Variants in CTNNA3 observed in about 807,000 individuals in gnomAD.
CTNNA3 encodes catenin alpha-3.
Under a neutral mutation model 95.7 loss-of-function variants are expected in CTNNA3, and 76 were observed. The ratio of observed to expected loss-of-function variants is 0.79; its 90% confidence interval spans 0.66 to 0.96. The LOEUF is 0.96. Ranked by LOEUF, CTNNA3 falls within the 40% of genes least tolerant of loss-of-function variation. The pLI is 0.00. For missense variants in CTNNA3, 1,191 were observed against 1,089.8 expected, an observed-to-expected ratio of 1.09 and a Z score of -1.31; for synonymous variants, 431 against 374.4, an observed-to-expected ratio of 1.15 and a Z score of -1.74.
chr10:66,266,523 T>C (rs1286440758), intron 13 of CTNNA3, among the ~76,000 whole-genome samples: 1 of 152,046 alleles, frequency 6.6e-6, no homozygotes, highest in East Asian at 1.9e-4. Context: ...GATTAGCAAT[T>C]ACTTCTGTCA....
chr10:66,769,303 G>A (rs1355257933), intron 8 of CTNNA3, among the ~76,000 whole-genome samples: 1 of 152,188 alleles, frequency 6.6e-6, no homozygotes, highest in African/African-American at 2.4e-5. Flanking sequence ...AAACCTTTAG[G>A]AGCTAGCACA....
intron 11 of CTNNA3, among the ~76,000 whole-genome samples, chr10:66,466,321 CAT>C (rs2131861197): frequency 7.0e-6 from 1 of 143,132 alleles, no homozygotes; most frequent in Non-Finnish European, 1.5e-5. Context: ...CACACACACA[CAT>C]ACACGCACCC....
chr10:66,923,158 A>C (rs562083635), intron 7 of CTNNA3, among the ~76,000 whole-genome samples: 1 of 152,364 alleles, frequency 6.6e-6, no homozygotes, highest in Non-Finnish European at 1.5e-5. Flanking sequence ...GCAGTAAGAT[A>C]AGATCAGGAA....
At chr10:67,144,882 T>G (rs561960076) in intron 7 of CTNNA3, among the ~76,000 whole-genome samples, 1 of 152,244 alleles carries the variant, frequency 6.6e-6, no homozygotes, top group Non-Finnish European at 1.5e-5. Context: ...ATAAGAGGCC[T>G]AGTTTTTGGC....
At chr10:66,692,927 C>G (rs1847607959) in intron 9 of CTNNA3, among the ~76,000 whole-genome samples, 2 of 152,076 alleles carry the variant, frequency 1.3e-5, no homozygotes, top group Admixed American at 6.5e-5. Context: ...GATTTTGTCA[C>G]CACCAGGCCT....
At chr10:66,330,202 A>G (rs2092307365) in intron 12 of CTNNA3, among the ~76,000 whole-genome samples, 1 of 151,800 alleles carries the variant, frequency 6.6e-6, no homozygotes, top group South Asian at 2.1e-4. Context: ...ATATCTCCTA[A>G]TGCTATCCCT....
chr10:66,830,865 T>G (rs1433540537), intron 7 of CTNNA3, among the ~76,000 whole-genome samples: 1 of 152,128 alleles, frequency 6.6e-6, no homozygotes, highest in African/African-American at 2.4e-5. Flanking sequence ...TGCCTCGGCC[T>G]CCCAAAGTGC....
chr10:66,403,667 A>G (rs1018888798), intron 11 of CTNNA3, among the ~76,000 whole-genome samples: 1 of 152,156 alleles, frequency 6.6e-6, no homozygotes, highest in Non-Finnish European at 1.5e-5. Context: ...TTTACTGCAC[A>G]GGGTGAGCAG....
chr10:66,575,414 A>T (rs1361619931), intron 10 of CTNNA3, among the ~76,000 whole-genome samples: 1 of 152,134 alleles, frequency 6.6e-6, no homozygotes, highest in Non-Finnish European at 1.5e-5. Flanking sequence ...TTTAAATTAT[A>T]AGAGGAAAAA....
At chr10:67,155,754 G>T (rs4237312) in intron 7 of CTNNA3, among the ~76,000 whole-genome samples, 96,229 of 151,966 alleles carry the variant, frequency 0.63, 31,648 homozygotes, top group African/African-American at 0.82. Context: ...TGCATTGGTG[G>T]TATAATGGTT....
chr10:66,888,709 A>G (rs1056184501), intron 7 of CTNNA3, among the ~76,000 whole-genome samples: 10 of 152,200 alleles, frequency 6.6e-5, no homozygotes, highest in Admixed American at 1.3e-4. Flanking sequence ...AATCCAAAAC[A>G]CTATAACACC....
At chr10:66,030,557 T>A (rs1464273229) in intron 15 of CTNNA3, among the ~76,000 whole-genome samples, 1 of 152,086 alleles carries the variant, frequency 6.6e-6, no homozygotes, top group Non-Finnish European at 1.5e-5. Flanking sequence ...AAAAATTAAC[T>A]CAAGATGGAT....
At chr10:66,036,305 A>G (rs548942876) in intron 15 of CTNNA3, among the ~76,000 whole-genome samples, 1 of 152,310 alleles carries the variant, frequency 6.6e-6, no homozygotes, top group East Asian at 1.9e-4. Context: ...TTGACATTCA[A>G]CCTCAGTAAG....
chr10:67,716,827 G>A (rs1841146375), intron 1 of CTNNA3, among the ~76,000 whole-genome samples: 1 of 152,092 alleles, frequency 6.6e-6, no homozygotes. Context: ...AATCCTTTAG[G>A]TATATACCCA....
At chr10:67,567,490 G>A (rs1446800452) in intron 3 of CTNNA3, among the ~76,000 whole-genome samples, 1 of 152,068 alleles carries the variant, frequency 6.6e-6, no homozygotes, top group Non-Finnish European at 1.5e-5. Flanking sequence ...TGCGTACAAT[G>A]TACGTTACTT....
chr10:66,510,337 A>G (rs1413556654), intron 11 of CTNNA3, among the ~76,000 whole-genome samples: 2 of 143,534 alleles, frequency 1.4e-5, no homozygotes, highest in East Asian at 3.9e-4. Context: ...GTTGTTTGCA[A>G]AGAGGGACAA....
chr10:67,107,411 C>T lies in CTNNA3; in HGVS notation c.1047+72906G>A, dbSNP rs74233479. The stretch of plus-strand genomic sequence containing the variant: ...TGTCAGTTTCAATAAAATGTTCATA[C>T]AACATTTTGAAGACTGATCCAGGCA... On this transcript the variant is annotated intron_variant, in intron 7 of 17. Transcript: ENST00000433211. 7.0e-4 allele frequency among the ~76,000 whole-genome samples: 107 copies of T among 152,238 alleles called. 1 individual carries two copies. The highest frequency in any genetic ancestry group is 2.5e-3 in the African/African-American group (103 of 41,554).
intron 6 of CTNNA3, among the ~76,000 whole-genome samples, chr10:67,199,815 T>C (rs1018255246): frequency 2.0e-5 from 3 of 152,172 alleles, no homozygotes; most frequent in African/African-American, 7.2e-5. Context: ...TTCAAGTAGA[T>C]ATTGACGTTA....
At chr10:67,023,444 A>G (rs1457462896) in intron 7 of CTNNA3, among the ~76,000 whole-genome samples, 2 of 152,162 alleles carry the variant, frequency 1.3e-5, no homozygotes, top group Non-Finnish European at 2.9e-5. Flanking sequence ...AGGCTTATCC[A>G]TGGATCTTCT....
Sources: allele counts gnomAD v4.1 joint callset (sites outside exome capture counted in the v4.1 genomes callset), GRCh38; gene constraint gnomAD v4.1.1; transcripts MANE v1.5; gene names NCBI Gene and HGNC (gene_info 2026-07-23, HGNC 2026-07-21).